DIAPH1: variants seen among roughly 807,000 people sequenced by gnomAD.
DIAPH1 encodes the protein diaphanous related formin 1.
DIAPH1 carries 46 observed loss-of-function variants against 140.7 expected under a neutral mutation model. The observed-to-expected ratio is 0.33, with a 90% CI of 0.26 to 0.42. DIAPH1 has a LOEUF of 0.42. Ranked by LOEUF, DIAPH1 falls within the 10% of genes least tolerant of loss-of-function variation. The pLI, the probability that DIAPH1 is intolerant of heterozygous loss-of-function variation, is 1.00. For missense variants in DIAPH1, 1,310 were observed against 1,558.7 expected, an observed-to-expected ratio of 0.84 and a Z score of 2.69; for synonymous variants, 565 against 551.6, an observed-to-expected ratio of 1.02 and a Z score of -0.34.
rs1318731481 is a variant in DIAPH1 at position 141,576,214 on chromosome 5, G to C, written c.1461+16C>G. The C allele has an allele frequency of 3.2e-6, 5 of 1,579,920 alleles. No homozygotes were observed. Among genetic ancestry groups the C allele is most frequent in the Non-Finnish European group, 4.4e-6 (5 of 1,149,092 alleles). ...AAGATATACTCAAACACATGTCTTT[G>C]GTCTCTCATATGCACCTTCTTTTCC... On this transcript the variant is annotated intron_variant, in intron 14 of 27. Coordinates refer to ENST00000389054, the MANE Select transcript of DIAPH1 (RefSeq NM_005219.5).
At chr5:141,598,649 T>C (rs1202411136) in intron 1 of DIAPH1, among the ~76,000 whole-genome samples, 1 of 152,112 alleles carries the variant, frequency 6.6e-6, no homozygotes, top group Non-Finnish European at 1.5e-5. Context: ...TTGGTTACCA[T>C]CTACAGGAAA....
rs779376542 is a variant in DIAPH1 at position 141,529,178 on chromosome 5, G to A, written c.2772C>T (p.Gly924=). The change falls in exon 21 of 28, where the codon GGC becomes GGT. Residue 924 remains glycine, a synonymous_variant. Transcript: ENST00000389054. The part of the protein sequence containing the change: ...YDDLAESEQF[G]VVMGTVPRLR... ...TGCCACAGGCCTCACTCACCACCAC[G>A]CCAAACTGCTCTGACTCAGCCAGGT... is the stretch of plus-strand genomic sequence containing the variant. 2.8e-5 allele frequency: 45 copies of A among 1,613,866 alleles called. No individual in the cohort carries two copies. Among genetic ancestry groups the A allele is most frequent in the South Asian group, 1.5e-4 (14 of 91,080 alleles).
At chr5:141,613,345 C>T (rs1392482497) in intron 1 of DIAPH1, among the ~76,000 whole-genome samples, 1 of 152,220 alleles carries the variant, frequency 6.6e-6, no homozygotes, top group Admixed American at 6.6e-5. Flanking sequence ...TCCTTTCAAT[C>T]TCACAGCTTC....
intron 18 of DIAPH1, chr5:141,563,236 G>C (rs1248041375): frequency 6.6e-6 from 1 of 152,148 alleles, no homozygotes; most frequent in African/African-American, 2.4e-5. Context: ...TGGCTACTGA[G>C]AAGTTTGGAA....
At chr5:141,577,429 C>A in intron 12 of DIAPH1, 46 bp downstream of exon 12, 2 of 1,286,912 alleles carry the variant, frequency 1.6e-6, no homozygotes, top group Non-Finnish European at 2.3e-6. Context: ...TTCACTCTCT[C>A]CACTTAGGCT....
Position 141,618,951 on chromosome 5 carries a change from G to GCCGCTCCCGCCTGGCAGCT in DIAPH1, c.-56_-38dup, listed in dbSNP as rs2099903160. ...CGCTGGCCGGCGACCCCGCGCCTACGCCGCTCCCGCCTGGCAGCTCCGCGC... is the reference window on the plus strand; with the variant it reads ...CGCTGGCCGGCGACCCCGCGCCTACGCCGCTCCCGCCTGGCAGCTCCGCTCCCGCCTGGCAGCTCCGCGC... On this transcript the variant is annotated 5_prime_UTR_variant, in exon 1 of 28. Coordinates refer to ENST00000389054, the MANE Select transcript of DIAPH1 (RefSeq NM_005219.5). The GCCGCTCCCGCCTGGCAGCT allele has an allele frequency of 1.6e-6, 2 of 1,249,486 alleles. No homozygotes were observed. Among genetic ancestry groups the GCCGCTCCCGCCTGGCAGCT allele is most frequent in the Non-Finnish European group, 2.1e-6 (2 of 932,964 alleles). 77.4% of individuals were successfully genotyped at this position (1,249,486 alleles called of 1,614,324 possible). A position where few individuals can be genotyped will look rare whatever the true frequency, so the allele number is the denominator to read the frequency against.
intron 18 of DIAPH1, among the ~76,000 whole-genome samples, chr5:141,556,841 G>A (rs1480814070): frequency 2.0e-5 from 3 of 152,090 alleles, no homozygotes; most frequent in African/African-American, 4.8e-5. Flanking sequence ...ACAGGCATGC[G>A]CCACCAGGCG....
At chr5:141,574,889 C>A (rs912070862) in intron 15 of DIAPH1, 78 bp downstream of exon 15, 3 of 1,492,248 alleles carry the variant, frequency 2.0e-6, no homozygotes, top group East Asian at 2.3e-5. Context: ...TCCCTAGGAG[C>A]GAGATGACTG....
chr5:141,615,316 C>A (rs904112011), intron 1 of DIAPH1, among the ~76,000 whole-genome samples: 10 of 151,262 alleles, frequency 6.6e-5, no homozygotes, highest in Non-Finnish European at 5.9e-5. Context: ...ACCTGTAATC[C>A]CAGCTGCTTG....
At chr5:141,583,153 CAA>C in intron 6 of DIAPH1, 51 bp downstream of exon 6, 1 of 1,491,062 alleles carries the variant, frequency 6.7e-7, no homozygotes, top group South Asian at 1.1e-5. Context: ...AGCAAATAGC[CAA>C]GTCCCCTGTG....
chr5:141,529,559 C>T (rs200337797), intron 20 of DIAPH1, 44 bp downstream of exon 20: 170 of 1,479,390 alleles, frequency 1.1e-4, no homozygotes, highest in Non-Finnish European at 1.4e-4. Flanking sequence ...CAGTGCCCAG[C>T]GACACAGAAG....
chr5:141,540,116 TG>T (rs1269979934), intron 18 of DIAPH1, among the ~76,000 whole-genome samples: 1 of 151,886 alleles, frequency 6.6e-6, no homozygotes, highest in African/African-American at 2.4e-5. Context: ...GGCATAAGGT[TG>T]TTTTTTTTCT....
chr5:141,573,663 A>T lies in DIAPH1; in HGVS notation c.2187T>A (p.Pro729=), dbSNP rs747690182. The change falls in exon 16 of 28, where the codon CCT becomes CCA. Residue 729 remains proline, a synonymous_variant. Transcript: ENST00000389054. ...TGCCAGGGCCTCCGGGAAATGGAGG[A>T]GGTGGAGGGATTCCAGGACCACCAG... ...PLPGGPGIPP[P]PPFPGGPGIP... 26 of 1,600,696 alleles carry T rather than the reference A, an allele frequency of 1.6e-5. 1 individual carries two copies. In the South Asian group the frequency reaches 2.9e-4, roughly 18 times the overall value.
At chr5:141,546,842 T>C (rs1021807311) in intron 18 of DIAPH1, among the ~76,000 whole-genome samples, 3 of 152,192 alleles carry the variant, frequency 2.0e-5, no homozygotes, top group Non-Finnish European at 4.4e-5. Context: ...GCTCAATTCC[T>C]GACTGGATTA....
chr5:141,552,407 T>G (rs1318459756), intron 18 of DIAPH1, among the ~76,000 whole-genome samples: 1 of 152,082 alleles, frequency 6.6e-6, no homozygotes, highest in African/African-American at 2.4e-5. Flanking sequence ...AGAGGACATG[T>G]GATGACAGAA....
At chr5:141,607,244 A>C (rs2099901125) in intron 1 of DIAPH1, among the ~76,000 whole-genome samples, 1 of 152,126 alleles carries the variant, frequency 6.6e-6, no homozygotes, top group Admixed American at 6.5e-5. Context: ...AAGAAACAAC[A>C]GGGCCCAAAG....
chr5:141,525,029 C>T (rs957762051), intron 26 of DIAPH1, among the ~76,000 whole-genome samples: 2 of 152,226 alleles, frequency 1.3e-5, no homozygotes, highest in Middle Eastern at 3.4e-3. Flanking sequence ...CACATGTCAG[C>T]GGGACTCCAC....
chr5:141,516,523 A>T lies in DIAPH1; in HGVS notation c.*328T>A, dbSNP rs2099885708. The T allele has an allele frequency of 2.5e-6, 1 of 392,560 alleles. No homozygotes were observed. Among genetic ancestry groups the T allele is most frequent in the Admixed American group, 3.7e-5 (1 of 26,784 alleles). The allele number at this position is 392,560 out of a possible 1,614,324, so 24.3% of individuals were successfully genotyped here. Reference sequence around the variant, plus strand: ...TAGAAAGTCAGGGCTGAGAAAAAGCAGGCTGGGCCTTGTCTGAGATGAGGC... The same window carrying T: ...TAGAAAGTCAGGGCTGAGAAAAAGCTGGCTGGGCCTTGTCTGAGATGAGGC... On this transcript the variant is annotated 3_prime_UTR_variant, in exon 28 of 28. Coordinates refer to ENST00000389054, the MANE Select transcript of DIAPH1 (RefSeq NM_005219.5).
rs1263752568 is a variant in DIAPH1 at position 141,515,677 on chromosome 5, A to T, written c.*1174T>A. ...TTGATACATTTATACATTTATAAAA[A>T]ACTCTGTGGTCTTAGAGTTCCTGCT... On this transcript the variant is annotated 3_prime_UTR_variant, in exon 28 of 28. Coordinates refer to ENST00000389054, the MANE Select transcript of DIAPH1 (RefSeq NM_005219.5). 1 of 152,224 alleles carries T rather than the reference A, an allele frequency of 6.6e-6. No individual in the cohort carries two copies. The highest frequency in any genetic ancestry group is 1.5e-5 in the Non-Finnish European group (1 of 68,046). 9.4% of individuals were successfully genotyped at this position (152,224 alleles called of 1,614,324 possible).
Sources: allele counts gnomAD v4.1 joint callset (sites outside exome capture counted in the v4.1 genomes callset), GRCh38; gene constraint gnomAD v4.1.1; transcripts MANE v1.5; gene names NCBI Gene and HGNC (gene_info 2026-07-23, HGNC 2026-07-21).